The following TRAK1 variants were observed in gnomAD, a reference collection of about 807,000 sequenced individuals.
The protein encoded by TRAK1 is trafficking kinesin-binding protein 1.
In TRAK1, 33 loss-of-function variants were observed where a neutral mutation model predicts 92.1. That is an observed-to-expected ratio of 0.36 (90% CI 0.27 to 0.48). The LOEUF (loss-of-function observed/expected upper bound fraction) is 0.48, where lower values mean the gene tolerates loss of function less well. TRAK1 is among the 20% of genes least tolerant of loss of function. TRAK1 has a pLI of 0.99. For synonymous variants in TRAK1, 521 were observed against 517.3 expected, an observed-to-expected ratio of 1.01 and a Z score of -0.10; for missense variants, 1,123 against 1,257.9, an observed-to-expected ratio of 0.89 and a Z score of 1.62.
intron 1 of TRAK1, among the ~76,000 whole-genome samples, chr3:42,063,946 C>CTCAT (rs1476870333): frequency 6.6e-6 from 1 of 152,174 alleles, no homozygotes; most frequent in African/African-American, 2.4e-5. Flanking sequence ...TAATTTCTGT[C>CTCAT]TCATACTTTG....
At chr3:42,196,453 G>A (rs1157806371) in intron 10 of TRAK1, among the ~76,000 whole-genome samples, 1 of 152,076 alleles carries the variant, frequency 6.6e-6, no homozygotes, top group Non-Finnish European at 1.5e-5. Context: ...AAGGTCACCA[G>A]GTCACAGTGA....
chr3:42,082,389 A>G (rs553190312), upstream of TRAK1, among the ~76,000 whole-genome samples: 44 of 152,244 alleles, frequency 2.9e-4, no homozygotes, highest in Non-Finnish European at 5.7e-4. Context: ...ACTTGAGGCC[A>G]GGAGTTTGAG....
chr3:42,179,708 A>G lies in TRAK1; in HGVS notation c.363+2818A>G, dbSNP rs143838033. On this transcript the variant is annotated intron_variant, in intron 3 of 15. Transcript: ENST00000327628. ...TCAAGTTACAGTCTTTTTTAAGTCTATGCTTTTAAAGCATAGTGAGGAGAG... is the reference window on the plus strand; with the variant it reads ...TCAAGTTACAGTCTTTTTTAAGTCTGTGCTTTTAAAGCATAGTGAGGAGAG... 2.6e-3 allele frequency among the ~76,000 whole-genome samples: 396 copies of G among 152,290 alleles called. 1 individual carries two copies. The highest frequency in any genetic ancestry group is 0.017 in the Middle Eastern group (5 of 294).
intron 1 of TRAK1, among the ~76,000 whole-genome samples, chr3:42,017,643 G>T (rs1576081785): frequency 6.6e-6 from 1 of 152,210 alleles, no homozygotes; most frequent in African/African-American, 2.4e-5. Context: ...GATGTCTCCT[G>T]AGTTACACAG....
rs1364493039 is a variant in TRAK1 at position 42,223,075 on chromosome 3, A to G, written c.2200A>G (p.Met734Val). 3 of 1,613,946 alleles carry G rather than the reference A, an allele frequency of 1.9e-6. No homozygotes were observed. The highest frequency in any genetic ancestry group is 2.7e-5 in the African/African-American group (2 of 74,892). ...FTNTRESTTTMSTSLGLVWLL... is the reference protein window; with the variant it reads ...FTNTRESTTTVSTSLGLVWLL... ...TAACACCCGTGAGTCCACGACCACC[A>G]TGAGCACATCCCTGGGGCTCGTGTG... The change falls in exon 16 of 16, where the codon ATG becomes GTG. Residue 734 changes from methionine (M) to valine (V), a missense_variant. Transcript: ENST00000327628. This position sits in a 1 kb window ranked among gnomAD's most constrained non-coding sequence, Gnocchi z 6.1.
At chr3:42,060,943 GTTGT>G (rs1431110468) in intron 1 of TRAK1, among the ~76,000 whole-genome samples, 2 of 151,810 alleles carry the variant, frequency 1.3e-5, no homozygotes, top group South Asian at 2.1e-4. Context: ...TTTTGTTGTT[GTTGT>G]TTGTTTGTTT....
At chr3:42,054,904 ATTTTTTTTTTTTTTT>A (rs1157067369) in intron 1 of TRAK1, among the ~76,000 whole-genome samples, 441 of 37,126 alleles carry the variant, frequency 0.012, 6 homozygotes, top group Middle Eastern at 0.067. Context: ...AGCAAACTAG[ATTTTTTTTTTTTTTT>A]TTTTTTTTTT....
At chr3:42,192,377 C>G (rs1425011003) in intron 7 of TRAK1, among the ~76,000 whole-genome samples, 1 of 152,092 alleles carries the variant, frequency 6.6e-6, no homozygotes, top group African/African-American at 2.4e-5. Context: ...CAAGTTAAGA[C>G]CAAAGGTCAA....
chr3:42,073,828 A>G (rs528998490), intron 1 of TRAK1, among the ~76,000 whole-genome samples: 1 of 152,352 alleles, frequency 6.6e-6, no homozygotes, highest in Non-Finnish European at 1.5e-5. Flanking sequence ...GAGTGGTAAG[A>G]TGAAAGACGG....
chr3:42,145,060 G>A (rs1202292094), intron 2 of TRAK1, among the ~76,000 whole-genome samples: 1 of 152,170 alleles, frequency 6.6e-6, no homozygotes, highest in African/African-American at 2.4e-5. Flanking sequence ...CTTGCAGTCT[G>A]TAAGCAAGAC....
At chr3:42,094,265 C>T (rs1705568868) in intron 1 of TRAK1, among the ~76,000 whole-genome samples, 1 of 152,104 alleles carries the variant, frequency 6.6e-6, no homozygotes, top group African/African-American at 2.4e-5. Context: ...GACTCATGGC[C>T]CCAGGGGGAA....
At position 42,188,032 on chromosome 3, in the gene TRAK1, TCTG is replaced by T. The variant is rs1705154733; in HGVS notation, c.481-10_481-8del. 1 of 1,612,780 alleles carries T rather than the reference TCTG, an allele frequency of 6.2e-7. No individual in the cohort carries two copies. Among genetic ancestry groups the T allele is most frequent in the African/African-American group, 1.3e-5 (1 of 75,024 alleles). On this transcript the variant is annotated splice_polypyrimidine_tract_variant and intron_variant, in intron 4 of 15. Coordinates refer to ENST00000327628, the MANE Select transcript of TRAK1 (RefSeq NM_001042646.3). The stretch of plus-strand genomic sequence containing the variant: ...TTTGGGAAGCAAATGATGGGCCTGC[TCTG>T]CTTGTGCAGGTGTCTCAGCTCCGGC...
At chr3:42,120,797 C>T (rs1352610188) in intron 1 of TRAK1, among the ~76,000 whole-genome samples, 1 of 152,158 alleles carries the variant, frequency 6.6e-6, no homozygotes, top group Non-Finnish European at 1.5e-5. Context: ...CCGCCCACCT[C>T]AGCCTCCCAA....
chr3:42,091,244 G>C, upstream of TRAK1: 7 of 516,584 alleles, frequency 1.4e-5, no homozygotes, highest in South Asian at 1.9e-4. Flanking sequence ...TTTTCTGTTT[G>C]GGGTGGCTTA....
At chr3:42,218,035 G>A (rs1398645082) in intron 14 of TRAK1, 1 of 985,054 alleles carries the variant, frequency 1.0e-6, no homozygotes. Context: ...TGGCTGTCAC[G>A]TCAGGTGCCA....
intron 2 of TRAK1, among the ~76,000 whole-genome samples, chr3:42,162,452 G>A (rs1701376704): frequency 6.6e-6 from 1 of 152,066 alleles, no homozygotes; most frequent in African/African-American, 2.4e-5. Context: ...AGGAACACAG[G>A]CTCAGTATAG....
intron 1 of TRAK1, among the ~76,000 whole-genome samples, chr3:42,065,434 T>C (rs1703636641): frequency 2.0e-5 from 3 of 152,112 alleles, no homozygotes; most frequent in Non-Finnish European, 4.4e-5. Context: ...AATGAGTATT[T>C]CCTTTCAACA....
rs565377654 is a variant in TRAK1 at position 42,022,729 on chromosome 3, A to C, written c.-519+8612A>C. ...GGAAAGAGACCCTGTTTTAAAAAAA[A>C]AAAAACAAAAACAAAAAACTTTTGT... On this transcript the variant is annotated intron_variant, in intron 1 of 16. Coordinates refer to the TRAK1 transcript ENST00000487159. Among the ~76,000 whole-genome samples, 194 of 23,316 alleles carry C rather than the reference A, an allele frequency of 8.3e-3. 1 individual carries two copies. In the South Asian group the frequency reaches 0.42, roughly 51 times the overall value. The allele number at this position is 23,316 out of a possible 152,430, so 15.3% of individuals were successfully genotyped here.
In TRAK1 at chr3:42,123,092, C is replaced by T. The variant is rs376620002; in HGVS notation, c.92-2328C>T. Among the ~76,000 whole-genome samples the T allele has an allele frequency of 3.4e-4, 51 of 152,052 alleles. No individual in the cohort carries two copies. The East Asian group carries it at 4.8e-3, about 14-fold the overall frequency. ...TTGAATTGAGGGAGAGCAGTTAGTA[C>T]GGAATGGTAGGAAGCTGCGGGAGGG... On this transcript the variant is annotated intron_variant, in intron 1 of 15. Coordinates refer to ENST00000327628, the MANE Select transcript of TRAK1 (RefSeq NM_001042646.3).
Sources: allele counts gnomAD v4.1 joint callset (sites outside exome capture counted in the v4.1 genomes callset), GRCh38; gene constraint gnomAD v4.1.1; non-coding constraint Gnocchi (gnomAD v3.1); transcripts MANE v1.5; gene names NCBI Gene and HGNC (gene_info 2026-07-23, HGNC 2026-07-21).